Variants in PTPRT observed in about 807,000 individuals in gnomAD.
PTPRT encodes the protein receptor-type tyrosine-protein phosphatase T.
A neutral mutation model predicts 176.8 loss-of-function variants in PTPRT; 56 were observed. That is an observed-to-expected ratio of 0.32 (90% CI 0.26 to 0.40). The LOEUF (loss-of-function observed/expected upper bound fraction) is 0.40. PTPRT is among the 10% of genes least tolerant of loss of function. PTPRT has a pLI of 1.00. For synonymous variants in PTPRT, 783 were observed against 739.0 expected (o/e 1.06, Z -0.96); for missense variants, 1,540 against 1,908.2 (o/e 0.81, Z 3.60).
At chr20:43,071,394 C>G (rs895643995) in intron 1 of PTPRT, among the ~76,000 whole-genome samples, 1 of 152,180 alleles carries the variant, frequency 6.6e-6, no homozygotes, top group African/African-American at 2.4e-5. Context: ...CATGGATGCT[C>G]GAGTTTGAGA....
intron 8 of PTPRT, 34 bp downstream of exon 8, chr20:42,472,232 C>T (rs747635190): frequency 1.3e-6 from 2 of 1,598,502 alleles, no homozygotes; most frequent in South Asian, 1.1e-5. Context: ...ATTCAATATC[C>T]CCATTCCCAT....
chr20:42,674,972 G>A (rs1442010281), intron 7 of PTPRT, among the ~76,000 whole-genome samples: 2 of 151,888 alleles, frequency 1.3e-5, no homozygotes, highest in Admixed American at 6.6e-5. Flanking sequence ...GCTTATGTGT[G>A]ATTTTGTATG....
intron 8 of PTPRT, among the ~76,000 whole-genome samples, chr20:42,449,693 C>T (rs555655534): frequency 9.2e-5 from 14 of 152,194 alleles, no homozygotes; most frequent in Non-Finnish European, 2.1e-4. Context: ...AGTTTTAAAG[C>T]ATATACTCTT....
At chr20:42,463,851 T>G (rs1568902679) in intron 8 of PTPRT, among the ~76,000 whole-genome samples, 1 of 152,236 alleles carries the variant, frequency 6.6e-6, no homozygotes, top group South Asian at 2.1e-4. Context: ...AAGAGAGATT[T>G]AGATAATTTT....
At chr20:42,425,914 G>A (rs2059159054) in intron 9 of PTPRT, among the ~76,000 whole-genome samples, 1 of 152,158 alleles carries the variant, frequency 6.6e-6, no homozygotes, top group African/African-American at 2.4e-5. Context: ...GCTTCTGGAA[G>A]GGGCTGCCAA....
the PTPRT span, among the ~76,000 whole-genome samples, chr20:42,047,475 C>A: frequency 0.2 from 31,107 of 152,168 alleles, 4,031 homozygotes; most frequent in Non-Finnish European, 0.29. Flanking sequence ...TCCACTTGCA[C>A]TGAGCTCATG....
In PTPRT at chr20:42,795,912, C is replaced by T. The variant is rs970973321; in HGVS notation, c.215-4446G>A. On this transcript the variant is annotated intron_variant, in intron 2 of 30. Transcript: ENST00000373187. ...TACTTAATAAATGCTAATTTTATAACAGATAGCCAACAGCAGGTAACAGTG... is the reference window on the plus strand; with the variant it reads ...TACTTAATAAATGCTAATTTTATAATAGATAGCCAACAGCAGGTAACAGTG... 7.2e-5 allele frequency among the ~76,000 whole-genome samples: 11 copies of T among 152,296 alleles called. No individual in the cohort carries two copies. The East Asian group carries it at 7.7e-4, about 11-fold the overall frequency.
intron 11 of PTPRT, among the ~76,000 whole-genome samples, chr20:42,323,886 G>A (rs2057843154): frequency 6.6e-6 from 1 of 152,174 alleles, no homozygotes. Context: ...TTGAAAGAAT[G>A]TGGAAAAACT....
Position 43,007,586 on chromosome 20 carries a change from G to A in PTPRT, c.89-121654C>T, listed in dbSNP as rs192732668. On this transcript the variant is annotated intron_variant, in intron 1 of 30. Transcript: ENST00000373187. Reference sequence around the variant, plus strand: ...GAATTATCCAATTTGAACCATGTAGGGGAATGTCTGGACAGAGCTCAGCAG... The same window carrying A: ...GAATTATCCAATTTGAACCATGTAGAGGAATGTCTGGACAGAGCTCAGCAG... Among the ~76,000 whole-genome samples, 13 of 152,282 alleles carry A rather than the reference G, an allele frequency of 8.5e-5. No homozygotes were observed. In the East Asian group the frequency reaches 2.5e-3, roughly 29 times the overall value.
chr20:43,134,616 A>G (rs2032204416), intron 1 of PTPRT, among the ~76,000 whole-genome samples: 1 of 152,124 alleles, frequency 6.6e-6, no homozygotes, highest in African/African-American at 2.4e-5. Context: ...GCAAGACCCC[A>G]TTGCAGTAGT....
chr20:42,636,119 A>G (rs181638265), intron 7 of PTPRT, among the ~76,000 whole-genome samples: 90 of 152,250 alleles, frequency 5.9e-4, no homozygotes, highest in Middle Eastern at 3.4e-3. Context: ...ACTCTTATAC[A>G]TGGTAAAACA....
chr20:42,359,489 G>A (rs1437668079), intron 9 of PTPRT, among the ~76,000 whole-genome samples: 9 of 152,176 alleles, frequency 5.9e-5, no homozygotes. Context: ...TATCCTTACT[G>A]GCCTCGTGCT....
intron 9 of PTPRT, among the ~76,000 whole-genome samples, chr20:42,374,752 T>C (rs78820809): frequency 0.011 from 1,666 of 152,296 alleles, 41 homozygotes; most frequent in African/African-American, 0.038. Flanking sequence ...ACAGTAAAGA[T>C]AATTTAAAAT....
intron 7 of PTPRT, among the ~76,000 whole-genome samples, chr20:42,613,636 T>C (rs1224190827): frequency 6.6e-6 from 1 of 152,238 alleles, no homozygotes; most frequent in East Asian, 1.9e-4. Context: ...ACCTGGAGGC[T>C]AAGATTACCC....
intron 8 of PTPRT, among the ~76,000 whole-genome samples, chr20:42,460,896 A>G (rs1335378515): frequency 6.6e-6 from 1 of 152,246 alleles, no homozygotes; most frequent in Non-Finnish European, 1.5e-5. Context: ...ATGGACTAAT[A>G]CACGCTGTTT....
At chr20:42,587,197 A>G (rs1293027132) in intron 7 of PTPRT, among the ~76,000 whole-genome samples, 6 of 152,186 alleles carry the variant, frequency 3.9e-5, no homozygotes, top group Non-Finnish European at 5.9e-5. Context: ...GTTCCCACTC[A>G]TGACAAACTC....
chr20:42,674,454 T>C (rs186648443), intron 7 of PTPRT, among the ~76,000 whole-genome samples: 5 of 152,336 alleles, frequency 3.3e-5, no homozygotes, highest in African/African-American at 1.2e-4. Flanking sequence ...TTTCAAAATG[T>C]ATTATATGAT....
rs1364706966 is a variant in PTPRT at position 42,317,520 on chromosome 20, G to A, written c.1866-1524C>T. 3.9e-5 allele frequency among the ~76,000 whole-genome samples: 6 copies of A among 152,294 alleles called. No individual in the cohort carries two copies. In the East Asian group the frequency reaches 1.2e-3, roughly 29 times the overall value. ...TCTGTGAATTAATGAGGTGGTTGCA[G>A]TAGGGGACCCCAAACCAATCATTTA... On this transcript the variant is annotated intron_variant, in intron 11 of 30. Transcript: ENST00000373187.
At chr20:42,374,923 C>T (rs74832506) in intron 9 of PTPRT, among the ~76,000 whole-genome samples, 12,043 of 151,872 alleles carry the variant, frequency 0.079, 491 homozygotes, top group Middle Eastern at 0.14. Flanking sequence ...AAACCAATAA[C>T]CAAAAACAAA....
Sources: allele counts gnomAD v4.1 joint callset (sites outside exome capture counted in the v4.1 genomes callset), GRCh38; gene constraint gnomAD v4.1.1; transcripts MANE v1.5; gene names NCBI Gene and HGNC (gene_info 2026-07-23, HGNC 2026-07-21).